Variants in SGSM2 observed in about 807,000 individuals in gnomAD.
SGSM2 encodes small G protein signaling modulator 2, also known as RUN and TBC1 domain containing 1.
SGSM2 carries 89 observed loss-of-function variants against 126.6 expected under a neutral mutation model. The observed-to-expected ratio is 0.70, with a 90% CI of 0.59 to 0.84. The LOEUF (loss-of-function observed/expected upper bound fraction) is 0.84. Among genes scored for constraint, SGSM2 ranks in the 40% least tolerant of loss-of-function variants. SGSM2 has a pLI of 0.00. For missense variants in SGSM2, 1,404 were observed against 1,416.6 expected, an observed-to-expected ratio of 0.99 and a Z score of 0.14; for synonymous variants, 614 against 574.3, an observed-to-expected ratio of 1.07 and a Z score of -0.99.
chr17:2,360,420 C>T (rs1048849559), intron 2 of SGSM2, among the ~76,000 whole-genome samples: 6 of 152,196 alleles, frequency 3.9e-5, no homozygotes, highest in Non-Finnish European at 7.3e-5. Context: ...AGCCTTGGAT[C>T]GTCTCTCCAG....
chr17:2,371,890 T>C, intron 13 of SGSM2: 2 of 471,772 alleles, frequency 4.2e-6, no homozygotes, highest in Non-Finnish European at 7.6e-6. Context: ...CGTTTATTAA[T>C]CCTGATGATC....
At chr17:2,338,632 G>A (rs998123039) in intron 1 of SGSM2, among the ~76,000 whole-genome samples, 25 of 152,118 alleles carry the variant, frequency 1.6e-4, no homozygotes, top group Admixed American at 1.6e-3. Context: ...CCAGTGCCTG[G>A]CATACTGTAG....
intron 1 of SGSM2, among the ~76,000 whole-genome samples, chr17:2,338,624 A>G (rs946389008): frequency 1.3e-5 from 2 of 152,026 alleles, no homozygotes; most frequent in South Asian, 2.1e-4. Flanking sequence ...CCTTGTATCC[A>G]GTGCCTGGCA....
At chr17:2,347,279 T>C (rs906839472) in intron 2 of SGSM2, among the ~76,000 whole-genome samples, 2 of 152,082 alleles carry the variant, frequency 1.3e-5, no homozygotes, top group African/African-American at 4.8e-5. Context: ...CTAATTTTTG[T>C]ATTTTTAGTA....
Position 2,361,817 on chromosome 17 carries a change from C to G in SGSM2, c.296+18C>G, listed in dbSNP as rs779377582. On this transcript the variant is annotated intron_variant, in intron 3 of 23. Coordinates refer to ENST00000268989, the MANE Select transcript of SGSM2 (RefSeq NM_014853.3). ...GAGGGCAGGTGAGCCCTGGGCCAGC[C>G]CCTTCTTCCCTCCTTTCAGCTCTTC... is the stretch of plus-strand genomic sequence containing the variant. 3.2e-6 allele frequency: 5 copies of G among 1,577,864 alleles called. No homozygotes were observed. The highest frequency in any genetic ancestry group is 1.4e-5 in the African/African-American group (1 of 73,968).
rs776566120 is a variant in SGSM2, at chr17:2,378,007, C to A, written c.2899+54C>A. 19 of 1,153,436 alleles carry A rather than the reference C, an allele frequency of 1.6e-5. No individual in the cohort carries two copies. In the Middle Eastern group the frequency reaches 3.4e-3, roughly 203 times the overall value. The allele number at this position is 1,153,436 out of a possible 1,614,324, so 71.5% of individuals were successfully genotyped here. A position where few individuals can be genotyped will look rare whatever the true frequency, so the allele number is the denominator to read the frequency against. On this transcript the variant is annotated intron_variant, in intron 22 of 23. Transcript: ENST00000268989. ...AGGTCAGGGACAGTGAGAGATCCCT[C>A]TTCCCCCAAGCCAACAGTTCTCAAT...
In SGSM2 at chr17:2,368,489, C is replaced by G. The variant is rs565209305; in HGVS notation, c.1423+1084C>G. Among the ~76,000 whole-genome samples, 9 of 152,336 alleles carry G rather than the reference C, an allele frequency of 5.9e-5. No homozygotes were observed. The East Asian group carries it at 1.5e-3, about 26-fold the overall frequency. On this transcript the variant is annotated intron_variant, in intron 12 of 23. Coordinates refer to ENST00000268989, the MANE Select transcript of SGSM2 (RefSeq NM_014853.3). ...GATGTCCTCAGAATATGTCACACTCCCCTTAGGCTTCCAAAGTTCTGCCGG... is the reference window on the plus strand; with the variant it reads ...GATGTCCTCAGAATATGTCACACTCGCCTTAGGCTTCCAAAGTTCTGCCGG...
At chr17:2,346,398 C>T (rs1431953608) in intron 2 of SGSM2, among the ~76,000 whole-genome samples, 1 of 152,186 alleles carries the variant, frequency 6.6e-6, no homozygotes, top group Non-Finnish European at 1.5e-5. Flanking sequence ...AGAATGCAGA[C>T]ATTTAAACAG....
In SGSM2 at chr17:2,375,825, G is replaced by A. The variant is rs762362168; in HGVS notation, c.2434G>A (p.Glu812Lys). 4.5e-6 allele frequency: 7 copies of A among 1,548,922 alleles called. No individual in the cohort carries two copies. The South Asian group carries it at 7.4e-5, about 16-fold the overall frequency. Residue 812 changes from glutamate (E) to lysine (K), a missense_variant, in exon 18 of 24, where the codon GAA (glutamate) becomes AAA (lysine). Glu to Lys is a moderately conservative substitution (Grantham distance 56). Coordinates refer to ENST00000268989, the MANE Select transcript of SGSM2 (RefSeq NM_014853.3). ...DPSQEKPQAG[E>K]LEAGEELAAV... Reference sequence around the variant, plus strand: ...CAGCCAGGAGAAGCCTCAGGCCGGAGAACTGGAGGCCGGAGAGGAGCTTGC... The same window carrying A: ...CAGCCAGGAGAAGCCTCAGGCCGGAAAACTGGAGGCCGGAGAGGAGCTTGC...
chr17:2,372,081 C>T lies in SGSM2; in HGVS notation c.1578-109C>T. The T allele has an allele frequency of 2.3e-6, 3 of 1,298,534 alleles. No homozygotes were observed. Among genetic ancestry groups the T allele is most frequent in the Non-Finnish European group, 3.3e-6 (3 of 912,144 alleles). The allele number at this position is 1,298,534 out of a possible 1,614,324, so 80.4% of individuals were successfully genotyped here. On this transcript the variant is annotated intron_variant, in intron 13 of 23. Coordinates refer to ENST00000268989, the MANE Select transcript of SGSM2 (RefSeq NM_014853.3). The surrounding 1 kb of genome is among the most constrained non-coding windows in gnomAD (Gnocchi z 6.0). ...TGGGCTGCGGCTCCTCCTCCTCGCA[C>T]CCTCCCCAGTGCCTTACCTGCCCCC...
rs61550391 is a variant in SGSM2, at chr17:2,339,940, C to T, written c.57+2195C>T. ...ATCAAGTCAGCATTTAAGCCCAATT[C>T]TGCTCTCCCCAATGAAAAGAGAAAT... On this transcript the variant is annotated intron_variant, in intron 1 of 23. Transcript: ENST00000268989. Among the ~76,000 whole-genome samples the T allele has an allele frequency of 3.4e-4, 52 of 152,276 alleles. 1 individual carries two copies. In the East Asian group the frequency reaches 0.01, roughly 29 times the overall value.
In SGSM2 at chr17:2,342,606, C is replaced by T. The variant is rs537823595; in HGVS notation, c.58-939C>T. 3.3e-5 allele frequency among the ~76,000 whole-genome samples: 5 copies of T among 152,300 alleles called. No homozygotes were observed. The South Asian group carries it at 8.3e-4, about 25-fold the overall frequency. On this transcript the variant is annotated intron_variant, in intron 1 of 23. Coordinates refer to ENST00000268989, the MANE Select transcript of SGSM2 (RefSeq NM_014853.3). ...CAGGAGTGTTCAGTTTGTGAAAATT[C>T]ACCACGCTGTGTAATTGTGATATGT...
intron 17 of SGSM2, 190 bp from the exon 18 acceptor site, chr17:2,375,302 G>A (rs1051760575): frequency 4.7e-6 from 3 of 639,480 alleles, no homozygotes; most frequent in Non-Finnish European, 7.7e-6. Flanking sequence ...TTGGCCAGAG[G>A]CTTGTTTCTC....
chr17:2,364,716 C>T (rs914571148), intron 9 of SGSM2, 53 bp downstream of exon 9: 42 of 1,599,662 alleles, frequency 2.6e-5, no homozygotes, highest in South Asian at 3.3e-5. Context: ...TGCCTTCTGC[C>T]AGCTGTGCAC....
chr17:2,369,883 A>G lies in SGSM2; in HGVS notation c.1424-1379A>G, dbSNP rs1034971223. On this transcript the variant is annotated intron_variant, in intron 12 of 23. Transcript: ENST00000268989. Reference sequence around the variant, plus strand: ...CTCAGGCATGGCTTGCAACGCCCTCACTCCCAGAGCCGCAGCCCCTCCTCA... The same window carrying G: ...CTCAGGCATGGCTTGCAACGCCCTCGCTCCCAGAGCCGCAGCCCCTCCTCA... Among the ~76,000 whole-genome samples the G allele has an allele frequency of 7.9e-5, 12 of 151,072 alleles. No individual in the cohort carries two copies. The East Asian group carries it at 9.7e-4, about 12-fold the overall frequency.
At position 2,372,262 on chromosome 17, in the gene SGSM2, T is replaced by C. The variant is rs755380293; in HGVS notation, c.1642+8T>C. The C allele has an allele frequency of 6.2e-6, 10 of 1,612,734 alleles. No individual in the cohort carries two copies. The highest frequency in any genetic ancestry group is 1.3e-5 in the African/African-American group (1 of 75,008). The stretch of plus-strand genomic sequence containing the variant: ...CCCGGGCCTTCTACGGCTGTGAGTG[T>C]GGGGCGCGCCGGGCTGTGGCGGGCT... On this transcript the variant is annotated splice_region_variant and intron_variant, in intron 14 of 23. Coordinates refer to ENST00000268989, the MANE Select transcript of SGSM2 (RefSeq NM_014853.3). This position sits in a 1 kb window ranked among gnomAD's most constrained non-coding sequence, Gnocchi z 6.0.
Position 2,372,541 on chromosome 17 carries a change from A to AG in SGSM2, c.1788+54dup. The AG allele has an allele frequency of 6.3e-7, 1 of 1,579,406 alleles. No individual in the cohort carries two copies. Among genetic ancestry groups the AG allele is most frequent in the African/African-American group, 1.4e-5 (1 of 73,870 alleles). ...AGGTCGAGGGGCTGGGGCGGGCAGG[A>AG]GTGAGGGCTTCAGGGTAAAATGTGC... On this transcript the variant is annotated intron_variant, in intron 15 of 23. Coordinates refer to ENST00000268989, the MANE Select transcript of SGSM2 (RefSeq NM_014853.3). This position sits in a 1 kb window ranked among gnomAD's most constrained non-coding sequence, Gnocchi z 6.0.
At position 2,365,329 on chromosome 17, in the gene SGSM2, A is replaced by C; in HGVS notation, c.1276A>C (p.Arg426=). 6.4e-7 allele frequency: 1 copy of C among 1,562,048 alleles called. No homozygotes were observed. Residue 426 remains arginine, a synonymous_variant, in exon 11 of 24, where the codon AGG becomes CGG. Transcript: ENST00000268989. ...YVFRIIYPGH[R]HEHITINYHH... ...GTTCCGGATCATCTACCCCGGCCACAGGCACGAGCACAGTGAGTGTCCCGA... is the reference window on the plus strand; with the variant it reads ...GTTCCGGATCATCTACCCCGGCCACCGGCACGAGCACAGTGAGTGTCCCGA...
chr17:2,339,500 G>A (rs534370198), intron 1 of SGSM2, among the ~76,000 whole-genome samples: 116 of 150,074 alleles, frequency 7.7e-4, no homozygotes, highest in African/African-American at 2.5e-3. Context: ...TGGGACGGGC[G>A]GATCACGAGG....
Sources: gnomAD v4.1 joint callset for allele counts (sites outside exome capture counted in the v4.1 genomes callset) on GRCh38, gnomAD v4.1.1 for gene constraint, Gnocchi (gnomAD v3.1) non-coding constraint, MANE v1.5 for transcripts, NCBI Gene and HGNC (gene_info 2026-07-23, HGNC 2026-07-21) for gene names.